TSLP: variants seen among roughly 807,000 people sequenced by gnomAD.
The protein encoded by TSLP is thymic stroma-derived lymphopoietin.
In TSLP, 12 loss-of-function variants were observed where a neutral mutation model predicts 12.4. The observed-to-expected ratio is 0.97, with a 90% confidence interval of 0.62 to 1.57. The LOEUF is 1.57. Among genes scored for constraint, TSLP ranks in the 40% most tolerant of loss-of-function variants. The pLI is 0.00. For missense variants in TSLP, 222 were observed against 189.6 expected (o/e 1.17, Z -1.00); for synonymous variants, 97 against 69.5 (o/e 1.40, Z -1.97).
chr5:111,071,869 G>T lies in TSLP; in HGVS notation c.-22G>T. 6.2e-7 allele frequency: 1 copy of T among 1,608,826 alleles called. No homozygotes were observed. Among genetic ancestry groups the T allele is most frequent in the South Asian group, 1.1e-5 (1 of 90,572 alleles). ...GTGGGAAGAGTTTAGTGTGAAACTG[G>T]GGTGGAATTGGGTGTCCACGTATGT... On this transcript the variant is annotated 5_prime_UTR_variant, in exon 1 of 4. Transcript: ENST00000344895.
Position 111,072,561 on chromosome 5 carries a change from T to C in TSLP, c.172-327T>C, listed in dbSNP as rs564503015. On this transcript the variant is annotated intron_variant, in intron 1 of 3. Transcript: ENST00000344895. ...ATTAACCTAATTTCTAGACAGAGTTTGCATTCATGAATGGCCACAGTACAG... is the reference window on the plus strand; with the variant it reads ...ATTAACCTAATTTCTAGACAGAGTTCGCATTCATGAATGGCCACAGTACAG... Among the ~76,000 whole-genome samples, 19 of 152,306 alleles carry C rather than the reference T, an allele frequency of 1.2e-4. No individual in the cohort carries two copies. In the East Asian group the frequency reaches 3.5e-3, roughly 28 times the overall value.
intron 2 of TSLP, 93 bp downstream of exon 2, chr5:111,073,025 G>T: frequency 3.4e-6 from 5 of 1,474,950 alleles, no homozygotes; most frequent in Non-Finnish European, 4.7e-6. Context: ...ACTCCGAGAG[G>T]TGCCTGGGCT....
In TSLP at chr5:111,077,187, T is replaced by C. The variant is rs1031684424; in HGVS notation, c.*1113T>C. On this transcript the variant is annotated 3_prime_UTR_variant, in exon 4 of 4. Coordinates refer to ENST00000344895, the MANE Select transcript of TSLP (RefSeq NM_033035.5). ...AACACCAGTGGGAAGGGCAACCCAC[T>C]GCACGTGGGAATGCACTGATTTTTC... 1 of 152,234 alleles carries C rather than the reference T, an allele frequency of 6.6e-6. No homozygotes were observed. Among genetic ancestry groups the C allele is most frequent in the Non-Finnish European group, 1.5e-5 (1 of 68,044 alleles). The allele number at this position is 152,234 out of a possible 1,614,324, so 9.4% of individuals were successfully genotyped here.
At position 111,071,817 on chromosome 5, in the gene TSLP, A is replaced by T; in HGVS notation, c.-74A>T. On this transcript the variant is annotated 5_prime_UTR_variant, in exon 1 of 4. Transcript: ENST00000344895. ...GTGCTTGAGCACTGGCCCCTAAGGC[A>T]GGCCTTACAGATCTCTTACACTCGT... 2 of 1,535,898 alleles carry T rather than the reference A, an allele frequency of 1.3e-6. No homozygotes were observed. Among genetic ancestry groups the T allele is most frequent in the Non-Finnish European group, 1.8e-6 (2 of 1,126,716 alleles).
Position 111,076,295 on chromosome 5 carries a change from G to T in TSLP, c.*221G>T. ...TGAGGGAAGCTTCCATAACATTGATGACTGGCTTCATGGCAGTAATTCTCG... is the reference window on the plus strand; with the variant it reads ...TGAGGGAAGCTTCCATAACATTGATTACTGGCTTCATGGCAGTAATTCTCG... On this transcript the variant is annotated 3_prime_UTR_variant, in exon 4 of 4. Transcript: ENST00000344895. The T allele has an allele frequency of 1.9e-6, 1 of 524,688 alleles. No individual in the cohort carries two copies. The highest frequency in any genetic ancestry group is 3.3e-6 in the Non-Finnish European group (1 of 302,658). The allele number at this position is 524,688 out of a possible 1,614,324, so 32.5% of individuals were successfully genotyped here. A position where few individuals can be genotyped will look rare whatever the true frequency, so the allele number is the denominator to read the frequency against.
intron 3 of TSLP, among the ~76,000 whole-genome samples, chr5:111,073,877 T>C (rs1314793601): frequency 6.6e-6 from 1 of 152,208 alleles, no homozygotes; most frequent in Non-Finnish European, 1.5e-5. Flanking sequence ...TTCTAAACCT[T>C]AGGGCAATGT....
In TSLP at chr5:111,073,607, G is replaced by A. The variant is rs1051937084; in HGVS notation, c.313G>A (p.Ala105Thr). The change falls in exon 3 of 4, where the codon GCC (alanine) becomes ACC (threonine). Residue 105 changes from alanine to threonine, a missense_variant. Coordinates refer to ENST00000344895, the MANE Select transcript of TSLP (RefSeq NM_033035.5). ...KEMFAMKTKAALAIWCPGYSE... is the reference protein window; with the variant it reads ...KEMFAMKTKATLAIWCPGYSE... Reference sequence around the variant, plus strand: ...AATGTTCGCCATGAAAACTAAGGCTGCCTTAGCTATCTGGTGCCCAGGCTA... The same window carrying A: ...AATGTTCGCCATGAAAACTAAGGCTACCTTAGCTATCTGGTGCCCAGGCTA... 3.7e-6 allele frequency: 6 copies of A among 1,614,102 alleles called. No homozygotes were observed. The highest frequency in any genetic ancestry group is 5.1e-6 in the Non-Finnish European group (6 of 1,180,056).
chr5:111,077,561 ATTTC>A lies in TSLP; in HGVS notation c.*1491_*1494del, dbSNP rs1299163445. 3 of 152,652 alleles carry A rather than the reference ATTTC, an allele frequency of 2.0e-5. No individual in the cohort carries two copies. In the East Asian group the frequency reaches 5.8e-4, roughly 29 times the overall value. The allele number at this position is 152,652 out of a possible 1,614,324, so 9.5% of individuals were successfully genotyped here. On this transcript the variant is annotated 3_prime_UTR_variant, in exon 4 of 4. Coordinates refer to ENST00000344895, the MANE Select transcript of TSLP (RefSeq NM_033035.5). ...GCTCTTAAATGCTATTGTAAGAGAA[ATTTC>A]TTTGTCTATTAACTCCATTTTAGTA... is the stretch of plus-strand genomic sequence containing the variant.
intron 1 of TSLP, among the ~76,000 whole-genome samples, chr5:111,072,508 T>C (rs948822964): frequency 6.6e-6 from 1 of 152,238 alleles, no homozygotes; most frequent in Non-Finnish European, 1.5e-5. Flanking sequence ...GGAATTTTTT[T>C]TAACATACAG....
In TSLP at chr5:111,071,952, A is replaced by G. The variant is rs144616951; in HGVS notation, c.62A>G (p.Gln21Arg). 95 of 1,614,232 alleles carry G rather than the reference A, an allele frequency of 5.9e-5. 1 individual carries two copies. The East Asian group carries it at 2.1e-3, about 36-fold the overall frequency. ...TCTTTCAGGAAAATCTTCATCTTAC[A>G]ACTTGTAGGGCTGGTGTTAACTTAC... ...SVSFRKIFIL[Q>R]LVGLVLTYDF... The change falls in exon 1 of 4, where the codon CAA becomes CGA. Residue 21 changes from glutamine (Q) to arginine (R), a missense_variant. Transcript: ENST00000344895.
At chr5:111,070,078 G>A (rs1172853158), upstream of TSLP, 1 of 152,202 alleles carries the variant, frequency 6.6e-6, no homozygotes, top group Non-Finnish European at 1.5e-5. Flanking sequence ...GGTGATGGGG[G>A]AAGAGTGGAC....
At chr5:111,075,834 T>A in intron 3 of TSLP, 112 bp from the exon 4 acceptor site, 2 of 1,129,146 alleles carry the variant, frequency 1.8e-6, no homozygotes, top group Non-Finnish European at 2.6e-6. Context: ...AGCAGGTGCT[T>A]TGGAGACACA....
chr5:111,075,787 G>C (rs538944584), intron 3 of TSLP, among the ~76,000 whole-genome samples, 159 bp from the exon 4 acceptor site: 1 of 152,286 alleles, frequency 6.6e-6, no homozygotes, highest in South Asian at 2.1e-4. Flanking sequence ...AAACAGGAAG[G>C]CATTCCCCTG....
At chr5:111,073,016 C>CCTG in intron 2 of TSLP, 84 bp downstream of exon 2, 1 of 1,511,626 alleles carries the variant, frequency 6.6e-7, no homozygotes, top group Admixed American at 1.8e-5. Flanking sequence ...ACGTGCAGAA[C>CCTG]TCCGAGAGGT....
rs751225469 is a variant in TSLP, at chr5:111,076,114, A to G, written c.*40A>G. On this transcript the variant is annotated 3_prime_UTR_variant, in exon 4 of 4. Transcript: ENST00000344895. ...GGTCATATTTCACAGCACCAAAATA[A>G]ATCATCTTTATTAAGTAGATGAAAC... The G allele has an allele frequency of 1.5e-5, 24 of 1,607,010 alleles. No homozygotes were observed. Among genetic ancestry groups the G allele is most frequent in the Non-Finnish European group, 9.4e-6 (11 of 1,175,696 alleles).
upstream of TSLP, chr5:111,071,479 C>T (rs1484329067): frequency 1.3e-6 from 2 of 1,545,742 alleles, no homozygotes; most frequent in Non-Finnish European, 1.7e-6. Context: ...AGGACATTCA[C>T]ACTTATGAAG....
Position 111,077,922 on chromosome 5 carries a change from C to A in TSLP, c.*1848C>A, listed in dbSNP as rs970587907. 1 of 152,118 alleles carries A rather than the reference C, an allele frequency of 6.6e-6. No homozygotes were observed. The highest frequency in any genetic ancestry group is 2.1e-4 in the South Asian group (1 of 4,802). The allele number at this position is 152,118 out of a possible 1,614,324, so 9.4% of individuals were successfully genotyped here. ...TGTTGTAACAATGTGGATCATACAT[C>A]TCTGGTTTTTTAAATGTATTGAGGC... On this transcript the variant is annotated 3_prime_UTR_variant, in exon 4 of 4. Transcript: ENST00000344895.
intron 1 of TSLP, among the ~76,000 whole-genome samples, 174 bp downstream of exon 1, chr5:111,072,235 C>G (rs1184173937): frequency 6.6e-6 from 1 of 152,160 alleles, no homozygotes; most frequent in Non-Finnish European, 1.5e-5. Flanking sequence ...AAATGATTAT[C>G]TAGAAATTGG....
rs777729706 is a variant in TSLP at position 111,072,009 on chromosome 5, A to G, written c.119A>G (p.Lys40Arg). The G allele has an allele frequency of 3.7e-6, 6 of 1,614,232 alleles. No individual in the cohort carries two copies. In the South Asian group the frequency reaches 5.5e-5, roughly 15 times the overall value. Residue 40 changes from lysine to arginine, a missense_variant, in exon 1 of 4, where the codon AAA (lysine) becomes AGA (arginine). Coordinates refer to ENST00000344895, the MANE Select transcript of TSLP (RefSeq NM_033035.5). ...ACTAACTGTGACTTTGAGAAGATTAAAGCAGCCTATCTCAGTACTATTTCT... is the reference window on the plus strand; with the variant it reads ...ACTAACTGTGACTTTGAGAAGATTAGAGCAGCCTATCTCAGTACTATTTCT... ...DFTNCDFEKI[K>R]AAYLSTISKD...
Sources: allele counts gnomAD v4.1 joint callset (sites outside exome capture counted in the v4.1 genomes callset), GRCh38; gene constraint gnomAD v4.1.1; transcripts MANE v1.5; gene names NCBI Gene and HGNC (gene_info 2026-07-23, HGNC 2026-07-21).